Variants in NRXN3 observed in about 807,000 individuals in gnomAD.
NRXN3 encodes neurexin 3.
NRXN3 carries 32 observed loss-of-function variants against 137.6 expected under a neutral mutation model. The ratio of observed to expected loss-of-function variants is 0.23; its 90% CI spans 0.18 to 0.31. The LOEUF (loss-of-function observed/expected upper bound fraction) is 0.31. NRXN3 is among the 10% of genes least tolerant of loss of function. The probability of loss-of-function intolerance (pLI) is 1.00; values close to 1 mark genes in which losing one functional copy is unlikely to be tolerated. For missense variants in NRXN3, 1,574 were observed against 2,062.5 expected (o/e 0.76, Z 4.59); for synonymous variants, 798 against 784.5 (o/e 1.02, Z -0.29).
At chr14:78,400,896 G>A (rs2091983792) in intron 4 of NRXN3, among the ~76,000 whole-genome samples, 1 of 152,138 alleles carries the variant, frequency 6.6e-6, no homozygotes, top group Non-Finnish European at 1.5e-5. Flanking sequence ...TGTTTGTGCT[G>A]CTATAATAAC....
At chr14:79,092,127 T>C (rs185287780) in intron 15 of NRXN3, among the ~76,000 whole-genome samples, 146 of 152,288 alleles carry the variant, frequency 9.6e-4, no homozygotes, top group Middle Eastern at 6.8e-3. Flanking sequence ...AAATTAAAGT[T>C]GTGAAAGATT....
chr14:79,702,661 C>A (rs1280008518), intron 19 of NRXN3, among the ~76,000 whole-genome samples: 1 of 151,894 alleles, frequency 6.6e-6, no homozygotes, highest in Non-Finnish European at 1.5e-5. Flanking sequence ...TGAAACTTTG[C>A]CAAGTGGGAG....
intron 16 of NRXN3, among the ~76,000 whole-genome samples, chr14:79,504,852 T>G (rs984961308): frequency 6.6e-6 from 1 of 151,940 alleles, no homozygotes; most frequent in Non-Finnish European, 1.5e-5. Context: ...AGTAAAATTA[T>G]TATCATTTTG....
chr14:79,818,980 G>T (rs999027772), intron 20 of NRXN3, among the ~76,000 whole-genome samples: 2 of 152,122 alleles, frequency 1.3e-5, no homozygotes, highest in Non-Finnish European at 2.9e-5. Context: ...GAAAATGTTT[G>T]CATACCCTCT....
rs191913437 is a variant in NRXN3, at chr14:78,277,075, G to A, written c.710-1570G>A. Among the ~76,000 whole-genome samples, 148 of 152,314 alleles carry A rather than the reference G, an allele frequency of 9.7e-4. 1 individual carries two copies. The highest frequency in any genetic ancestry group is 1.8e-3 in the Non-Finnish European group (121 of 68,028). ...CTAGAAGTTTCTTTGGGCAGATACA[G>A]CTTCTAGGGGAGGCAAGGTGGGGGC... On this transcript the variant is annotated intron_variant, in intron 2 of 20. Transcript: ENST00000335750.
chr14:78,967,127 A>T (rs1300755560), intron 12 of NRXN3, 81 bp from the exon 13 acceptor site: 8 of 1,203,928 alleles, frequency 6.6e-6, no homozygotes, highest in South Asian at 3.2e-5. Flanking sequence ...TTTGAAGCCC[A>T]CTATGTCAGT....
chr14:78,379,870 C>A (rs931242731), intron 4 of NRXN3, among the ~76,000 whole-genome samples: 3 of 152,188 alleles, frequency 2.0e-5, no homozygotes, highest in African/African-American at 7.2e-5. Context: ...ACTCGCAGAG[C>A]TAACAGGTAA....
At chr14:79,376,248 ATATATATATATATATATACAC>A (rs2094293278) in intron 15 of NRXN3, among the ~76,000 whole-genome samples, 1 of 78,756 alleles carries the variant, frequency 1.3e-5, no homozygotes, top group East Asian at 3.1e-4. Flanking sequence ...ATATATATAT[ATATATATATATATATATACAC>A]ATACATATGA....
intron 4 of NRXN3, among the ~76,000 whole-genome samples, chr14:78,629,369 A>G (rs1341760564): frequency 6.6e-6 from 1 of 152,200 alleles, no homozygotes; most frequent in Non-Finnish European, 1.5e-5. Flanking sequence ...AAGTGACACA[A>G]TGTCATTGAG....
intron 2 of NRXN3, among the ~76,000 whole-genome samples, chr14:78,260,587 T>C (rs1170529539): frequency 6.6e-6 from 1 of 152,188 alleles, no homozygotes; most frequent in African/African-American, 2.4e-5. Context: ...CGGTGGGAGA[T>C]AATTGAATCA....
chr14:78,684,640 C>T (rs370396034), intron 6 of NRXN3, among the ~76,000 whole-genome samples: 1 of 151,668 alleles, frequency 6.6e-6, no homozygotes, highest in East Asian at 1.9e-4. Context: ...CCCATTTCTA[C>T]AAAATTAGCT....
intron 14 of NRXN3, among the ~76,000 whole-genome samples, chr14:78,975,802 ACT>A (rs1463940114): frequency 6.6e-6 from 1 of 152,220 alleles, no homozygotes; most frequent in Admixed American, 6.5e-5. Context: ...CCACTGCTAC[ACT>A]GTTATTCTGG....
intron 16 of NRXN3, chr14:79,573,027 A>C (rs2097624536): frequency 6.6e-6 from 1 of 152,162 alleles, no homozygotes; most frequent in Admixed American, 6.5e-5. Context: ...TTTGGCTTTG[A>C]GAGTTGCTTT....
chr14:78,920,748 C>G (rs552254252), intron 10 of NRXN3, among the ~76,000 whole-genome samples: 1 of 152,234 alleles, frequency 6.6e-6, no homozygotes, highest in African/African-American at 2.4e-5. Context: ...CTCACAGAAC[C>G]ACGACATGTT....
intron 4 of NRXN3, among the ~76,000 whole-genome samples, chr14:78,584,341 A>G (rs2097037335): frequency 6.6e-6 from 1 of 152,178 alleles, no homozygotes; most frequent in Non-Finnish European, 1.5e-5. Flanking sequence ...TTTTCTTGTG[A>G]TGATCCTCCA....
At chr14:78,926,808 A>T (rs1230972184) in intron 10 of NRXN3, among the ~76,000 whole-genome samples, 1 of 50,742 alleles carries the variant, frequency 2.0e-5, no homozygotes, top group Non-Finnish European at 3.2e-5. Flanking sequence ...ATATATTTAT[A>T]TATATTATAT....
At chr14:78,174,320 T>A (rs2059054703) in intron 1 of NRXN3, among the ~76,000 whole-genome samples, 1 of 152,102 alleles carries the variant, frequency 6.6e-6, no homozygotes, top group Non-Finnish European at 1.5e-5. Flanking sequence ...GTACACTCTC[T>A]CACACACACC....
intron 10 of NRXN3, among the ~76,000 whole-genome samples, chr14:78,913,365 C>T (rs1479431691): frequency 1.4e-4 from 20 of 147,746 alleles, no homozygotes; most frequent in South Asian, 6.6e-4. Context: ...CTGCAACCTC[C>T]ACCTCCCGGG....
intron 8 of NRXN3, among the ~76,000 whole-genome samples, chr14:78,764,159 G>T (rs2152982883): frequency 6.6e-6 from 1 of 152,176 alleles, no homozygotes; most frequent in East Asian, 1.9e-4. Context: ...ATCCAGTTAA[G>T]AATTGAATTG....
Sources: allele counts gnomAD v4.1 joint callset (sites outside exome capture counted in the v4.1 genomes callset), GRCh38; gene constraint gnomAD v4.1.1; transcripts MANE v1.5; gene names NCBI Gene and HGNC (gene_info 2026-07-23, HGNC 2026-07-21).